POLR3E: variants seen among roughly 807,000 people sequenced by gnomAD.
POLR3E encodes RNA polymerase III subunit E, also known as DNA-directed RNA polymerase III subunit RPC5.
Under a neutral mutation model 96.6 loss-of-function variants are expected in POLR3E, and 41 were observed. That is an observed-to-expected ratio of 0.42 (90% confidence interval 0.33 to 0.55). The LOEUF is 0.55. POLR3E is among the 20% of genes least tolerant of loss of function. POLR3E has a pLI of 0.06. For missense variants in POLR3E, 849 were observed against 952.1 expected, an observed-to-expected ratio of 0.89 and a Z score of 1.43; for synonymous variants, 396 against 383.6, an observed-to-expected ratio of 1.03 and a Z score of -0.38.
chr16:22,332,231 G>C, intron 20 of POLR3E, 46 bp downstream of exon 20: 2 of 1,580,852 alleles, frequency 1.3e-6, no homozygotes, highest in Non-Finnish European at 1.7e-6. Context: ...GGCTCTGGAA[G>C]GGGCTGACAG....
intron 14 of POLR3E, among the ~76,000 whole-genome samples, chr16:22,323,140 G>T (rs1223661508): frequency 3.9e-5 from 6 of 152,076 alleles, no homozygotes; most frequent in South Asian, 2.1e-4. Context: ...GCGCAGTCGG[G>T]GGGTGGGTCA....
intron 1 of POLR3E, among the ~76,000 whole-genome samples, chr16:22,300,776 C>T (rs577425700): frequency 2.0e-5 from 3 of 152,320 alleles, no homozygotes; most frequent in South Asian, 2.1e-4. Flanking sequence ...TCTTTCTACC[C>T]GCTCCATGTC....
intron 18 of POLR3E, chr16:22,327,292 C>T (rs533095661): frequency 1.4e-3 from 221 of 152,454 alleles, no homozygotes; most frequent in Middle Eastern, 0.01. Context: ...CTCAGGGGAT[C>T]GGCCCTGCTG....
chr16:22,329,139 A>C (rs1268252235), intron 19 of POLR3E: 1 of 157,798 alleles, frequency 6.3e-6, no homozygotes, highest in Non-Finnish European at 1.4e-5. Flanking sequence ...GGTATGCGGT[A>C]CTGTCCTAGG....
intron 10 of POLR3E, 65 bp from the exon 11 acceptor site, chr16:22,316,930 G>T (rs118147553): frequency 0.013 from 19,770 of 1,536,532 alleles, 183 homozygotes; most frequent in South Asian, 0.027. Context: ...CCTCACTTGG[G>T]TGGCTGGTGA....
Position 22,322,904 on chromosome 16 carries a change from G to A in POLR3E, c.1041G>A (p.Glu347=). ...GCCCTCACAGCGGCGTGCCTGCTGAGGTGCTCTGCAGGGGCCGAGACTTCG... is the reference window on the plus strand; with the variant it reads ...GCCCTCACAGCGGCGTGCCTGCTGAAGTGCTCTGCAGGGGCCGAGACTTCG... ...SSSPHSGVPA[E]VLCRGRDFVM... is the part of the protein sequence containing the mutation. The change falls in exon 14 of 21, where the codon GAG becomes GAA. Residue 347 remains glutamate, a synonymous_variant. Coordinates refer to ENST00000299853, the MANE Select transcript of POLR3E (RefSeq NM_018119.4). This position sits in a 1 kb window ranked among gnomAD's most constrained non-coding sequence, Gnocchi z 5.2. The A allele has an allele frequency of 6.2e-7, 1 of 1,613,308 alleles. No homozygotes were observed.
At chr16:22,300,225 G>A (rs2047994466) in intron 1 of POLR3E, among the ~76,000 whole-genome samples, 1 of 152,220 alleles carries the variant, frequency 6.6e-6, no homozygotes, top group Non-Finnish European at 1.5e-5. Context: ...GACAGTTATA[G>A]TTACGTGAAA....
intron 1 of POLR3E, among the ~76,000 whole-genome samples, chr16:22,300,709 T>G (rs1404084965): frequency 6.6e-6 from 1 of 152,232 alleles, no homozygotes; most frequent in Non-Finnish European, 1.5e-5. Context: ...CGACTCCTGA[T>G]TTTCATTCCA....
chr16:22,308,344 C>T, intron 4 of POLR3E, 119 bp downstream of exon 4: 7 of 792,626 alleles, frequency 8.8e-6, no homozygotes, highest in South Asian at 1.4e-5. Flanking sequence ...CAGCAACTCC[C>T]AGGCCCTTGA....
chr16:22,309,634 G>A (rs1182983800), intron 6 of POLR3E, 124 bp downstream of exon 6: 4 of 761,458 alleles, frequency 5.3e-6, no homozygotes, highest in East Asian at 2.4e-5. Context: ...TGTGGGGGCC[G>A]GGCAGGTGTG....
At position 22,313,992 on chromosome 16, in the gene POLR3E, G is replaced by A. The variant is rs1449939956; in HGVS notation, c.473-87G>A. 2.0e-5 allele frequency: 24 copies of A among 1,203,856 alleles called. No homozygotes were observed. Among genetic ancestry groups the A allele is most frequent in the Middle Eastern group, 1.9e-4 (1 of 5,138 alleles). The allele number at this position is 1,203,856 out of a possible 1,614,324, so 74.6% of individuals were successfully genotyped here. The stretch of plus-strand genomic sequence containing the variant: ...CTGCGAGGAGAACTCCCAGCACCCC[G>A]GCCTGAGGCTTCCCTGGCGGGTGGG... On this transcript the variant is annotated intron_variant, in intron 7 of 20. Transcript: ENST00000299853. This position sits in a 1 kb window ranked among gnomAD's most constrained non-coding sequence, Gnocchi z 4.1.
chr16:22,305,812 T>C (rs2048122022), intron 3 of POLR3E, among the ~76,000 whole-genome samples: 1 of 152,200 alleles, frequency 6.6e-6, no homozygotes, highest in African/African-American at 2.4e-5. Flanking sequence ...ATTGACCGTA[T>C]GCAGACTGTT....
At position 22,303,639 on chromosome 16, in the gene POLR3E, CTT is replaced by C. The variant is rs58949663; in HGVS notation, c.36+652_36+653del. Among the ~76,000 whole-genome samples, 115 of 114,156 alleles carry C rather than the reference CTT, an allele frequency of 1.0e-3. 3 individuals are homozygous for C. Among genetic ancestry groups the C allele is most frequent in the African/African-American group, 3.9e-3 (82 of 20,802 alleles). 74.9% of individuals were successfully genotyped at this position (114,156 alleles called of 152,430 possible). A position where few individuals can be genotyped will look rare whatever the true frequency, so the allele number is the denominator to read the frequency against. ...TACAGGCAGTGGGAGGCAGATTTCC[CTT>C]TTTTTTTTTTTTTTTTGGAGACAGA... On this transcript the variant is annotated intron_variant, in intron 2 of 20. Transcript: ENST00000299853.
chr16:22,317,764 C>T lies in POLR3E; in HGVS notation c.865+558C>T, dbSNP rs535175365. Reference sequence around the variant, plus strand: ...AAGTGATCCTCCTGCCTCAGCCTTCCGAGTGGCTGGGCCTACAAGCAGACG... The same window carrying T: ...AAGTGATCCTCCTGCCTCAGCCTTCTGAGTGGCTGGGCCTACAAGCAGACG... On this transcript the variant is annotated intron_variant, in intron 12 of 20. Transcript: ENST00000299853. 1.6e-3 allele frequency among the ~76,000 whole-genome samples: 246 copies of T among 151,778 alleles called. 1 individual carries two copies. The highest frequency in any genetic ancestry group is 3.1e-3 in the Non-Finnish European group (213 of 67,946).
chr16:22,325,432 G>A (rs2048560100), intron 17 of POLR3E, 166 bp downstream of exon 17: 3 of 673,606 alleles, frequency 4.5e-6, no homozygotes, highest in Non-Finnish European at 7.8e-6. Flanking sequence ...GCAGCTGGTC[G>A]CTTGCCCAGC....
chr16:22,298,044 G>T (rs957049927), intron 1 of POLR3E, among the ~76,000 whole-genome samples: 1 of 152,264 alleles, frequency 6.6e-6, no homozygotes, highest in Non-Finnish European at 1.5e-5. Flanking sequence ...TCTGCCCGGC[G>T]AGGCCAGGGA....
Position 22,312,873 on chromosome 16 carries a change from C to CAAAAA in POLR3E, c.365-727_365-723dup, listed in dbSNP as rs1167609047. On this transcript the variant is annotated intron_variant, in intron 6 of 20. Transcript: ENST00000299853. Reference sequence around the variant, plus strand: ...TGGGTGACAGAGCGACACTCCATCTCAAAAAAAAAAAAAAAAAAAAAAAAC... The same window carrying CAAAAA: ...TGGGTGACAGAGCGACACTCCATCTCAAAAAAAAAAAAAAAAAAAAAAAAAAAAAC... 3.0e-4 allele frequency among the ~76,000 whole-genome samples: 9 copies of CAAAAA among 30,372 alleles called. No homozygotes were observed. The East Asian group carries it at 3.1e-3, about 11-fold the overall frequency. 19.9% of individuals were successfully genotyped at this position (30,372 alleles called of 152,430 possible). A position where few individuals can be genotyped will look rare whatever the true frequency, so the allele number is the denominator to read the frequency against.
At chr16:22,326,311 G>A in intron 18 of POLR3E, 33 bp downstream of exon 18, 1 of 484,580 alleles carries the variant, frequency 2.1e-6, no homozygotes. Flanking sequence ...GGGGCATGGG[G>A]GGTGGGGGGT....
At chr16:22,316,410 G>A (rs1053844881) in intron 9 of POLR3E, among the ~76,000 whole-genome samples, 191 bp from the exon 10 acceptor site, 2 of 152,194 alleles carry the variant, frequency 1.3e-5, no homozygotes, top group Admixed American at 1.3e-4. Flanking sequence ...TTGGGGGCTG[G>A]GGCTGGGCAG....
Sources: allele counts gnomAD v4.1 joint callset (sites outside exome capture counted in the v4.1 genomes callset), GRCh38; gene constraint gnomAD v4.1.1; non-coding constraint Gnocchi (gnomAD v3.1); transcripts MANE v1.5; gene names NCBI Gene and HGNC (gene_info 2026-07-23, HGNC 2026-07-21).